Variants in RARB observed in about 807,000 individuals in gnomAD.
RARB encodes the protein HBV-activated protein.
Under a neutral mutation model 51.9 loss-of-function variants are expected in RARB, and 17 were observed. The observed-to-expected ratio is 0.33, with a 90% CI of 0.22 to 0.49. The LOEUF is 0.49. Among genes scored for constraint, RARB ranks in the 20% least tolerant of loss-of-function variants. The probability of loss-of-function intolerance (pLI) is 0.99; values close to 1 mark genes in which losing one functional copy is unlikely to be tolerated. For synonymous variants in RARB, 215 were observed against 195.4 expected, an observed-to-expected ratio of 1.10 and a Z score of -0.84; for missense variants, 369 against 550.8, an observed-to-expected ratio of 0.67 and a Z score of 3.30.
intron 2 of RARB, among the ~76,000 whole-genome samples, chr3:24,882,124 G>T (rs559688418): frequency 6.6e-6 from 1 of 152,256 alleles, no homozygotes; most frequent in African/African-American, 2.4e-5. Flanking sequence ...AGAATGACAG[G>T]CAAGACTTAG....
At chr3:25,443,963 A>T (rs2125533134) in intron 1 of RARB, among the ~76,000 whole-genome samples, 1 of 152,172 alleles carries the variant, frequency 6.6e-6, no homozygotes, top group South Asian at 2.1e-4. Flanking sequence ...AAAATAAATA[A>T]ATCGCTAAAA....
At chr3:25,356,671 C>G (rs1355503851) in intron 5 of RARB, among the ~76,000 whole-genome samples, 1 of 152,100 alleles carries the variant, frequency 6.6e-6, no homozygotes, top group Non-Finnish European at 1.5e-5. Flanking sequence ...CCTTGCCCCC[C>G]ATTCCCTGAC....
At chr3:25,256,807 A>G (rs1308359412) in intron 5 of RARB, among the ~76,000 whole-genome samples, 2 of 136,460 alleles carry the variant, frequency 1.5e-5, no homozygotes, top group Non-Finnish European at 3.0e-5. Flanking sequence ...AAAGTATGGA[A>G]AAAAAAAATA....
At chr3:25,027,026 A>G (rs1233693471) in intron 2 of RARB, among the ~76,000 whole-genome samples, 1 of 151,096 alleles carries the variant, frequency 6.6e-6, no homozygotes, top group Non-Finnish European at 1.5e-5. Context: ...CCAGCTAGCA[A>G]AACTCTTGAA....
At chr3:25,018,908 A>AT (rs1321015936) in intron 2 of RARB, among the ~76,000 whole-genome samples, 2 of 152,100 alleles carry the variant, frequency 1.3e-5, no homozygotes, top group Admixed American at 6.6e-5. Context: ...CATTTCAGTC[A>AT]TTTTTCCCCT....
chr3:25,084,995 T>C (rs1446919239), intron 3 of RARB, among the ~76,000 whole-genome samples: 1 of 152,138 alleles, frequency 6.6e-6, no homozygotes, highest in Admixed American at 6.6e-5. Flanking sequence ...TGCCATTCTT[T>C]AAATATGAAA....
chr3:24,870,869 A>T (rs1702934276), intron 2 of RARB, among the ~76,000 whole-genome samples: 1 of 152,126 alleles, frequency 6.6e-6, no homozygotes, highest in Non-Finnish European at 1.5e-5. Flanking sequence ...AGCGTTTGTC[A>T]ACTCTTTGGG....
At position 25,154,407 on chromosome 3, in the gene RARB, T is replaced by C. The variant is rs542153372; in HGVS notation, c.-279-19712T>C. On this transcript the variant is annotated intron_variant, in intron 4 of 11. Transcript: ENST00000383772. Reference sequence around the variant, plus strand: ...CCCATGTCCAATCTATGTCTTATTCTATCTGTGCTACCCTCATTAATGTTC... The same window carrying C: ...CCCATGTCCAATCTATGTCTTATTCCATCTGTGCTACCCTCATTAATGTTC... Among the ~76,000 whole-genome samples the C allele has an allele frequency of 5.3e-5, 8 of 152,344 alleles. 1 individual carries two copies. Among genetic ancestry groups the C allele is most frequent in the Admixed American group, 3.9e-4 (6 of 15,308 alleles).
intron 5 of RARB, chr3:25,174,587 T>A (rs1316344931): frequency 7.4e-7 from 1 of 1,351,978 alleles, no homozygotes; most frequent in East Asian, 4.6e-5. Context: ...TAAGTCCTGC[T>A]GGAATTTGCT....
chr3:24,900,660 C>T (rs1206382465), intron 2 of RARB, among the ~76,000 whole-genome samples: 1 of 152,166 alleles, frequency 6.6e-6, no homozygotes, highest in Admixed American at 6.5e-5. Context: ...AAAACTGGCA[C>T]AATAGAGTTG....
intron 5 of RARB, among the ~76,000 whole-genome samples, chr3:25,421,011 A>G (rs115358919): frequency 0.015 from 2,270 of 149,704 alleles, 67 homozygotes; most frequent in African/African-American, 0.052. Context: ...AAAAAAAAAC[A>G]GAGTCATATG....
At chr3:25,168,079 C>T (rs1252152459) in intron 4 of RARB, among the ~76,000 whole-genome samples, 1 of 152,108 alleles carries the variant, frequency 6.6e-6, no homozygotes, top group Non-Finnish European at 1.5e-5. Context: ...TATGAATGGA[C>T]AGACTAGAGA....
intron 5 of RARB, among the ~76,000 whole-genome samples, chr3:25,298,041 G>A (rs1021316066): frequency 2.0e-5 from 3 of 152,132 alleles, no homozygotes; most frequent in African/African-American, 7.2e-5. Context: ...TTGTAATATA[G>A]GACAAAAGAC....
At chr3:25,578,626 A>G (rs1164867356) in intron 4 of RARB, among the ~76,000 whole-genome samples, 1 of 152,212 alleles carries the variant, frequency 6.6e-6, no homozygotes, top group Non-Finnish European at 1.5e-5. Flanking sequence ...TCTTGATCTC[A>G]TGTTCCCTCA....
chr3:25,092,364 A>C (rs1192871453), intron 3 of RARB, among the ~76,000 whole-genome samples: 1 of 151,912 alleles, frequency 6.6e-6, no homozygotes, highest in Non-Finnish European at 1.5e-5. Context: ...TTTGCCCAAG[A>C]TCTTAAAACA....
At chr3:25,354,882 C>CTTTTT (rs10710847) in intron 5 of RARB, among the ~76,000 whole-genome samples, 1 of 142,850 alleles carries the variant, frequency 7.0e-6, no homozygotes, top group East Asian at 2.1e-4. Context: ...TTTGCAAAGT[C>CTTTTT]TTTTTTTTTT....
chr3:25,552,019 AAGTTCCCAT>A (rs536662538), intron 3 of RARB, among the ~76,000 whole-genome samples: 146 of 152,250 alleles, frequency 9.6e-4, no homozygotes, highest in African/African-American at 3.4e-3. Context: ...GCATCCTAAA[AAGTTCCCAT>A]AGCCCACTGA....
chr3:24,892,145 G>A (rs1050283541), intron 2 of RARB, among the ~76,000 whole-genome samples: 1 of 150,866 alleles, frequency 6.6e-6, no homozygotes, highest in African/African-American at 2.4e-5. Flanking sequence ...AGGAGGACAT[G>A]TTTCTCAAGG....
chr3:24,980,539 C>T (rs1696636587), intron 2 of RARB, among the ~76,000 whole-genome samples: 1 of 152,158 alleles, frequency 6.6e-6, no homozygotes, highest in Admixed American at 6.5e-5. Flanking sequence ...TCGATCCTTT[C>T]TTCCACTTGA....
Sources: allele counts gnomAD v4.1 joint callset (sites outside exome capture counted in the v4.1 genomes callset), GRCh38; gene constraint gnomAD v4.1.1; transcripts MANE v1.5; gene names NCBI Gene and HGNC (gene_info 2026-07-23, HGNC 2026-07-21).